KLHL6: variants seen among roughly 807,000 people sequenced by gnomAD.
The protein encoded by KLHL6 is kelch like family member 6.
KLHL6 carries 41 observed loss-of-function variants against 58.6 expected under a neutral mutation model. The observed-to-expected ratio is 0.70, with a 90% CI of 0.55 to 0.91. The LOEUF (loss-of-function observed/expected upper bound fraction) is 0.91. Among genes scored for constraint, KLHL6 ranks in the 40% least tolerant of loss-of-function variants. The probability of loss-of-function intolerance (pLI) is 0.00; values close to 1 mark genes in which losing one functional copy is unlikely to be tolerated. For missense variants in KLHL6, 714 were observed against 805.6 expected (o/e 0.89, Z 1.38); for synonymous variants, 338 against 322.7 (o/e 1.05, Z -0.51).
chr3:183,516,544 G>A (rs557939904), intron 2 of KLHL6, among the ~76,000 whole-genome samples: 68 of 152,322 alleles, frequency 4.5e-4, no homozygotes, highest in Non-Finnish European at 8.5e-4. Context: ...CTTGAGACGT[G>A]GCTGCAGTTC....
chr3:183,519,496 G>A (rs1577189384), intron 2 of KLHL6, among the ~76,000 whole-genome samples: 3 of 152,102 alleles, frequency 2.0e-5, no homozygotes, highest in South Asian at 2.1e-4. Flanking sequence ...TAAGCAACCC[G>A]AATCCTGAAT....
At chr3:183,503,848 G>A (rs563020157) in intron 3 of KLHL6, among the ~76,000 whole-genome samples, 2 of 152,246 alleles carry the variant, frequency 1.3e-5, no homozygotes, top group East Asian at 3.9e-4. Context: ...TTAAAGTTTG[G>A]TAAATGAAGG....
intron 1 of KLHL6, among the ~76,000 whole-genome samples, chr3:183,534,950 A>T (rs56074785): frequency 0.52 from 50,534 of 96,444 alleles, 10,402 homozygotes; most frequent in East Asian, 0.72. Context: ...ATATATATAT[A>T]TTTTTTTTTT....
chr3:183,527,162 C>T (rs1485647959), intron 2 of KLHL6, among the ~76,000 whole-genome samples: 2 of 149,440 alleles, frequency 1.3e-5, no homozygotes, highest in African/African-American at 2.5e-5. Flanking sequence ...GTAAACATAA[C>T]AAGACTAAAT....
chr3:183,540,710 A>T (rs939557815), intron 1 of KLHL6, among the ~76,000 whole-genome samples: 1 of 152,092 alleles, frequency 6.6e-6, no homozygotes, highest in Non-Finnish European at 1.5e-5. Flanking sequence ...GGCCCCATTG[A>T]TGATTACCCT....
rs1717584022 is a variant in KLHL6 at position 183,492,278 on chromosome 3, C to T, written c.1565-50G>A. 1 of 1,493,910 alleles carries T rather than the reference C, an allele frequency of 6.7e-7. No individual in the cohort carries two copies. Among genetic ancestry groups the T allele is most frequent in the Non-Finnish European group, 9.0e-7 (1 of 1,110,636 alleles). 92.5% of individuals were successfully genotyped at this position (1,493,910 alleles called of 1,614,324 possible). On this transcript the variant is annotated intron_variant, in intron 6 of 6. Coordinates refer to ENST00000341319, the MANE Select transcript of KLHL6 (RefSeq NM_130446.4). The surrounding 1 kb of genome is among the most constrained non-coding windows in gnomAD (Gnocchi z 5.9). ...GGGCATCGCTCCATTTTTCTGGTTT[C>T]TTCCCTCTTAACCACTAAAATTCAA...
chr3:183,492,050 G>T lies in KLHL6; in HGVS notation c.1743C>A (p.Pro581=), dbSNP rs373496199. The change falls in exon 7 of 7, where the codon CCC becomes CCA. Residue 581 remains proline (P), a synonymous_variant. Transcript: ENST00000341319. The surrounding 1 kb of genome is among the most constrained non-coding windows in gnomAD (Gnocchi z 5.9). ...EVIATVLCWD[P]EAQKLTEECV... ...ACTCCTCTGTCAGTTTCTGGGCCTC[G>T]GGGTCCCAGCACAGCACCGTGGCGA... The T allele has an allele frequency of 6.2e-7, 1 of 1,613,964 alleles. No individual in the cohort carries two copies. Among genetic ancestry groups the T allele is most frequent in the South Asian group, 1.1e-5 (1 of 91,080 alleles).
rs1717549444 is a variant in KLHL6 at position 183,491,435 on chromosome 3, TTTTG to T, written c.*488_*491del. ...GCAAGAGCCAGGTTTTGTTGTTGTT[TTTTG>T]TTTGTTTTTCCTGCTCTGAGATAGG... On this transcript the variant is annotated 3_prime_UTR_variant, in exon 7 of 7. Transcript: ENST00000341319. 6.5e-6 allele frequency: 1 copy of T among 152,824 alleles called. No individual in the cohort carries two copies. The allele number at this position is 152,824 out of a possible 1,614,324, so 9.5% of individuals were successfully genotyped here.
In KLHL6 at chr3:183,492,048, T is replaced by C; in HGVS notation, c.1745A>G (p.Glu582Gly). ...VIATVLCWDP[E>G]AQKLTEECVL... ...GCACTCCTCTGTCAGTTTCTGGGCC[T>C]CGGGGTCCCAGCACAGCACCGTGGC... The change falls in exon 7 of 7, where the codon GAG (glutamate) becomes GGG (glycine). Residue 582 changes from glutamate (E) to glycine (G), a missense_variant. This residue lies in a region of KLHL6 where 510 missense variants were observed against 629.7 expected (regional missense o/e 0.81). Coordinates refer to ENST00000341319, the MANE Select transcript of KLHL6 (RefSeq NM_130446.4). This position sits in a 1 kb window ranked among gnomAD's most constrained non-coding sequence, Gnocchi z 5.9. 1 of 1,613,986 alleles carries C rather than the reference T, an allele frequency of 6.2e-7. No individual in the cohort carries two copies.
rs1577182843 is a variant in KLHL6, at chr3:183,508,422, G to A, written c.546C>T (p.Asp182=). 6.2e-7 allele frequency: 1 copy of A among 1,614,218 alleles called. No homozygotes were observed. The highest frequency in any genetic ancestry group is 8.5e-7 in the Non-Finnish European group (1 of 1,180,036). ...TCTTTAGACTGTCCAGCGAGTGTGT[G>A]TCAGCCAGCCTCAGTATTCCAACGC... ...ENCVGILRLA[D]THSLDSLKKQ... The change falls in exon 3 of 7, where the codon GAC becomes GAT. Residue 182 remains aspartate (D), a synonymous_variant. Transcript: ENST00000341319.
chr3:183,493,852 G>A, intron 5 of KLHL6: 1 of 555,316 alleles, frequency 1.8e-6, no homozygotes. Context: ...TAGGACAGGT[G>A]CCCACACAGA....
At chr3:183,504,461 A>G (rs527660480) in intron 3 of KLHL6, among the ~76,000 whole-genome samples, 61 of 152,270 alleles carry the variant, frequency 4.0e-4, no homozygotes, top group African/African-American at 1.4e-3. Context: ...CTCCTCCTAA[A>G]TCTAAAGCTT....
chr3:183,550,257 A>G (rs1329313183), intron 1 of KLHL6, among the ~76,000 whole-genome samples: 1 of 152,226 alleles, frequency 6.6e-6, no homozygotes, highest in African/African-American at 2.4e-5. Context: ...CTGTTCTAGA[A>G]GTCCACATCT....
intron 1 of KLHL6, among the ~76,000 whole-genome samples, chr3:183,541,405 G>A (rs1307579143): frequency 6.6e-6 from 1 of 152,194 alleles, no homozygotes; most frequent in Admixed American, 6.5e-5. Flanking sequence ...TGGGCTACAC[G>A]CAGGAGTGCA....
intron 2 of KLHL6, among the ~76,000 whole-genome samples, chr3:183,519,101 T>C (rs1322355138): frequency 6.6e-6 from 1 of 152,096 alleles, no homozygotes; most frequent in African/African-American, 2.4e-5. Flanking sequence ...GATGAGAGTG[T>C]ATTGTTTCCA....
chr3:183,508,118 A>C lies in KLHL6; in HGVS notation c.850T>G (p.Cys284Gly). ...TVEADPLIRQ[C>G]PEVFPLLQEA... is the part of the protein sequence containing the mutation. Reference sequence around the variant, plus strand: ...TGGAGCAGCGGGAAGACCTCTGGGCACTGCCTGATGAGAGGATCTGCTTCC... The same window carrying C: ...TGGAGCAGCGGGAAGACCTCTGGGCCCTGCCTGATGAGAGGATCTGCTTCC... The change falls in exon 3 of 7, where the codon TGC becomes GGC. Residue 284 changes from cysteine to glycine, a missense_variant. By Grantham distance (159) the Cys-to-Gly change is radical (BLOSUM62 -3). This residue lies in a region of KLHL6 where 510 missense variants were observed against 629.7 expected (regional missense o/e 0.81). Transcript: ENST00000341319. 1 of 1,614,184 alleles carries C rather than the reference A, an allele frequency of 6.2e-7. No homozygotes were observed. The highest frequency in any genetic ancestry group is 8.5e-7 in the Non-Finnish European group (1 of 1,180,026).
chr3:183,491,639 A>G lies in KLHL6; in HGVS notation c.*288T>C. 1 of 321,964 alleles carries G rather than the reference A, an allele frequency of 3.1e-6. No homozygotes were observed. The highest frequency in any genetic ancestry group is 5.7e-6 in the Non-Finnish European group (1 of 176,896). 19.9% of individuals were successfully genotyped at this position (321,964 alleles called of 1,614,324 possible). A position where few individuals can be genotyped will look rare whatever the true frequency, so the allele number is the denominator to read the frequency against. Reference sequence around the variant, plus strand: ...GCCAGTCACCAGGTTAAATGAACCGATAAAAGGAAGTGCCTGGCACAGAAG... The same window carrying G: ...GCCAGTCACCAGGTTAAATGAACCGGTAAAAGGAAGTGCCTGGCACAGAAG... On this transcript the variant is annotated 3_prime_UTR_variant, in exon 7 of 7. Coordinates refer to ENST00000341319, the MANE Select transcript of KLHL6 (RefSeq NM_130446.4).
intron 1 of KLHL6, among the ~76,000 whole-genome samples, chr3:183,534,950 A>ATATATATATATT (rs1356557331): frequency 6.2e-5 from 6 of 96,752 alleles, no homozygotes; most frequent in African/African-American, 1.8e-4. Flanking sequence ...ATATATATAT[A>ATATATATATATT]TTTTTTTTTT....
At chr3:183,537,941 G>A (rs1712418329) in intron 1 of KLHL6, among the ~76,000 whole-genome samples, 1 of 152,030 alleles carries the variant, frequency 6.6e-6, no homozygotes, top group Non-Finnish European at 1.5e-5. Context: ...CTGTATCTAG[G>A]GGCCAGAGCA....
Sources: allele counts gnomAD v4.1 joint callset (sites outside exome capture counted in the v4.1 genomes callset), GRCh38; gene constraint gnomAD v4.1.1; regional missense constraint gnomAD v4.1.1; non-coding constraint Gnocchi (gnomAD v3.1); transcripts MANE v1.5; gene names NCBI Gene and HGNC (gene_info 2026-07-23, HGNC 2026-07-21).